The following WDR49 variants were observed in gnomAD, a reference collection of about 807,000 sequenced individuals.
WDR49 encodes the protein WD repeat domain 49.
Under a neutral mutation model 119.5 loss-of-function variants are expected in WDR49, and 107 were observed. That is an observed-to-expected ratio of 0.90 (90% CI 0.77 to 1.05). The LOEUF (loss-of-function observed/expected upper bound fraction) is 1.05. WDR49 is among the 50% of genes least tolerant of loss of function. WDR49 has a pLI of 0.00. For synonymous variants in WDR49, 425 were observed against 418.8 expected, an observed-to-expected ratio of 1.01 and a Z score of -0.18; for missense variants, 1,240 against 1,220.5, an observed-to-expected ratio of 1.02 and a Z score of -0.24.
Position 167,653,466 on chromosome 3 carries a change from T to C in WDR49, c.-41A>G. 6.9e-7 allele frequency: 1 copy of C among 1,442,228 alleles called. No individual in the cohort carries two copies. Among genetic ancestry groups the C allele is most frequent in the Non-Finnish European group, 9.0e-7 (1 of 1,105,072 alleles). The allele number at this position is 1,442,228 out of a possible 1,614,324, so 89.3% of individuals were successfully genotyped here. ...TCTCAGTTGCCTTCAACTATTTCTA[T>C]AAGGATGGATCTTCTTTTTCCTTCA... On this transcript the variant is annotated 5_prime_UTR_variant, in exon 2 of 19. Transcript: ENST00000682715.
chr3:167,544,665 G>T (rs1712057413), intron 10 of WDR49, among the ~76,000 whole-genome samples: 1 of 151,852 alleles, frequency 6.6e-6, no homozygotes, highest in Admixed American at 6.6e-5. Context: ...CTGGATCCTT[G>T]CCTCTTAACT....
At chr3:167,647,044 C>T (rs190805111) in intron 2 of WDR49, among the ~76,000 whole-genome samples, 20 of 152,254 alleles carry the variant, frequency 1.3e-4, no homozygotes, top group African/African-American at 4.6e-4. Flanking sequence ...CAAAATGTGA[C>T]AAATTGAAAC....
chr3:167,543,521 C>T (rs1373281734), intron 10 of WDR49, among the ~76,000 whole-genome samples: 3 of 151,940 alleles, frequency 2.0e-5, no homozygotes, highest in Non-Finnish European at 1.5e-5. Context: ...ATCACATAAA[C>T]AGAATTAAAA....
intron 9 of WDR49, among the ~76,000 whole-genome samples, chr3:167,556,379 C>A (rs551155939): frequency 6.6e-6 from 1 of 152,100 alleles, no homozygotes; most frequent in Non-Finnish European, 1.5e-5. Flanking sequence ...CATCCTCTAC[C>A]GATAAAACCT....
At chr3:167,539,908 GAAT>G (rs371338586) in intron 10 of WDR49, among the ~76,000 whole-genome samples, 276 of 152,200 alleles carry the variant, frequency 1.8e-3, no homozygotes, top group African/African-American at 6.5e-3. Flanking sequence ...GCAGTGTCTA[GAAT>G]AATACCTACC....
chr3:167,631,144 G>A (rs576627212), intron 2 of WDR49, among the ~76,000 whole-genome samples: 133 of 152,078 alleles, frequency 8.7e-4, no homozygotes, highest in Middle Eastern at 3.4e-3. Flanking sequence ...GAGGGATAGC[G>A]TTAGGAGAAA....
In WDR49 at chr3:167,512,746, T is replaced by G. The variant is rs377221787; in HGVS notation, c.2775-7330A>C. Among the ~76,000 whole-genome samples, 5 of 152,272 alleles carry G rather than the reference T, an allele frequency of 3.3e-5. No individual in the cohort carries two copies. In the South Asian group the frequency reaches 6.2e-4, roughly 19 times the overall value. ...TACAGGAGCTGTTAGCCAGAATAAC[T>G]AGTTTAGAAAGTAACAAAGATGACC... On this transcript the variant is annotated intron_variant, in intron 16 of 18. Transcript: ENST00000682715.
chr3:167,531,903 C>T (rs1278065810), intron 12 of WDR49, among the ~76,000 whole-genome samples: 1 of 151,998 alleles, frequency 6.6e-6, no homozygotes, highest in Admixed American at 6.6e-5. Context: ...ATTGCAATGC[C>T]TTTCATGTCT....
At chr3:167,578,591 GT>G (rs1320263942) in intron 7 of WDR49, among the ~76,000 whole-genome samples, 1 of 151,764 alleles carries the variant, frequency 6.6e-6, no homozygotes, top group African/African-American at 2.4e-5. Flanking sequence ...TAGTCCTATT[GT>G]TATTATTTTA....
intron 16 of WDR49, among the ~76,000 whole-genome samples, chr3:167,515,669 A>C (rs937511585): frequency 1.3e-5 from 2 of 152,194 alleles, no homozygotes; most frequent in African/African-American, 4.8e-5. Flanking sequence ...AATAAAGCGT[A>C]TTCAAATAGG....
At chr3:167,524,349 G>A (rs920765078) in intron 15 of WDR49, among the ~76,000 whole-genome samples, 6 of 152,138 alleles carry the variant, frequency 3.9e-5, no homozygotes, top group African/African-American at 1.4e-4. Context: ...CTCCCATTCT[G>A]TAGGTTGCCT....
chr3:167,483,397 C>T (rs1750794486), intron 18 of WDR49, among the ~76,000 whole-genome samples: 1 of 152,158 alleles, frequency 6.6e-6, no homozygotes, highest in South Asian at 2.1e-4. Flanking sequence ...TTGTAATTGA[C>T]TGGGTTTCAA....
At chr3:167,546,036 A>G (rs945565682) in intron 10 of WDR49, among the ~76,000 whole-genome samples, 2 of 151,788 alleles carry the variant, frequency 1.3e-5, no homozygotes, top group Admixed American at 6.6e-5. Context: ...CTCTTTTCCT[A>G]CTGGTAAGTT....
At chr3:167,655,140 T>C (rs1214730629), upstream of WDR49, among the ~76,000 whole-genome samples, 1 of 152,134 alleles carries the variant, frequency 6.6e-6, no homozygotes, top group Non-Finnish European at 1.5e-5. Flanking sequence ...GGCAAAGTCA[T>C]GACTTACATG....
upstream of WDR49, among the ~76,000 whole-genome samples, chr3:167,654,601 T>C (rs1718533139): frequency 6.6e-6 from 1 of 152,058 alleles, no homozygotes; most frequent in Admixed American, 6.5e-5. Flanking sequence ...ATTTTACTGA[T>C]AAAGAAGCAA....
chr3:167,618,598 A>G (rs1447947738), intron 5 of WDR49, among the ~76,000 whole-genome samples: 2 of 152,190 alleles, frequency 1.3e-5, no homozygotes, highest in Admixed American at 6.6e-5. Flanking sequence ...ATGTACATCT[A>G]TATATATCTA....
chr3:167,609,333 C>A (rs1716224478), intron 5 of WDR49, among the ~76,000 whole-genome samples: 1 of 152,120 alleles, frequency 6.6e-6, no homozygotes, highest in South Asian at 2.1e-4. Context: ...CACCAACGCC[C>A]ACCCTTCTCC....
intron 16 of WDR49, among the ~76,000 whole-genome samples, chr3:167,521,222 T>A (rs894597493): frequency 6.6e-6 from 1 of 152,066 alleles, no homozygotes; most frequent in Non-Finnish European, 1.5e-5. Flanking sequence ...AACACTGTGA[T>A]GTGTATTACA....
chr3:167,604,234 T>A, intron 6 of WDR49, 67 bp downstream of exon 6: 1 of 1,559,936 alleles, frequency 6.4e-7, no homozygotes, highest in South Asian at 1.2e-5. Flanking sequence ...AAAGGCTCCA[T>A]GCATACAAAT....
Sources: allele counts gnomAD v4.1 joint callset (sites outside exome capture counted in the v4.1 genomes callset), GRCh38; gene constraint gnomAD v4.1.1; transcripts MANE v1.5; gene names NCBI Gene and HGNC (gene_info 2026-07-23, HGNC 2026-07-21).